The following ATF6 variants were observed in gnomAD, a reference collection of about 807,000 sequenced individuals.
ATF6 encodes activating transcription factor 6, also known as cyclic AMP-dependent transcription factor ATF-6 alpha.
ATF6 carries 53 observed loss-of-function variants against 83.6 expected under a neutral mutation model. The observed-to-expected ratio is 0.63, with a 90% CI of 0.51 to 0.80. The LOEUF (loss-of-function observed/expected upper bound fraction) is 0.80. Among genes scored for constraint, ATF6 ranks in the 30% least tolerant of loss-of-function variants. The pLI is 0.00. For synonymous variants in ATF6, 288 were observed against 285.8 expected (o/e 1.01, Z -0.08); for missense variants, 744 against 797.9 (o/e 0.93, Z 0.81).
intron 7 of ATF6, among the ~76,000 whole-genome samples, chr1:161,810,166 GA>G (rs1685420780): frequency 6.6e-6 from 1 of 152,124 alleles, no homozygotes; most frequent in Non-Finnish European, 1.5e-5. Flanking sequence ...CTTCTATAAA[GA>G]AATACCTGAA....
chr1:161,813,064 G>A (rs950415698), intron 7 of ATF6, among the ~76,000 whole-genome samples: 1 of 151,258 alleles, frequency 6.6e-6, no homozygotes, highest in African/African-American at 2.4e-5. Flanking sequence ...AATTACCCAC[G>A]TCCTTTGCTT....
rs112811497 is a variant in ATF6 at position 161,832,631 on chromosome 1, C to T, written c.1187+11470C>T. ...ATATCCAGCACCTGACTTGGAGGGT[C>T]CTACACCCACAGAGCCTCGCTCATT... On this transcript the variant is annotated intron_variant, in intron 9 of 15. Coordinates refer to ENST00000367942, the MANE Select transcript of ATF6 (RefSeq NM_007348.4). 9.8e-3 allele frequency among the ~76,000 whole-genome samples: 1,497 copies of T among 152,370 alleles called. 8 individuals carry two copies. The highest frequency in any genetic ancestry group is 0.017 in the South Asian group (83 of 4,828).
Position 161,853,701 on chromosome 1 carries a change from C to G in ATF6, c.1533+378C>G, listed in dbSNP as rs1686695594. Among the ~76,000 whole-genome samples the G allele has an allele frequency of 2.0e-5, 3 of 152,100 alleles. No homozygotes were observed. The South Asian group carries it at 6.2e-4, about 32-fold the overall frequency. On this transcript the variant is annotated intron_variant, in intron 12 of 15. Transcript: ENST00000367942. ...GCTTTTCAAAAAGAGAATGTTAAGA[C>G]CTGGGGCAGTTTGGAAATGAAGACA...
At chr1:161,867,117 A>AC (rs1261142406) in intron 14 of ATF6, among the ~76,000 whole-genome samples, 1 of 152,016 alleles carries the variant, frequency 6.6e-6, no homozygotes, top group Non-Finnish European at 1.5e-5. Context: ...ACACGGTGAA[A>AC]CCCCGTCTCT....
chr1:161,819,404 A>G (rs1467736145), intron 7 of ATF6, among the ~76,000 whole-genome samples: 1 of 152,212 alleles, frequency 6.6e-6, no homozygotes, highest in Non-Finnish European at 1.5e-5. Flanking sequence ...AGCCTTAGAA[A>G]ACATAAGAAG....
At chr1:161,828,139 C>G (rs1253806859) in intron 9 of ATF6, among the ~76,000 whole-genome samples, 1 of 151,780 alleles carries the variant, frequency 6.6e-6, no homozygotes, top group Admixed American at 6.6e-5. Context: ...TAAATTATCA[C>G]TACAGACTCT....
rs895284713 is a variant in ATF6, at chr1:161,784,062, C to T, written c.320C>T (p.Ser107Leu). Residue 107 changes from serine (S) to leucine (L), a missense_variant, in exon 4 of 16, where the codon TCA (serine) becomes TTA (leucine). By Grantham distance (145) the Ser-to-Leu change is moderately radical (BLOSUM62 -2). Coordinates refer to ENST00000367942, the MANE Select transcript of ATF6 (RefSeq NM_007348.4). ...SSSYSVSSPR[S>L]VDSYSSTQHV... ...AGTTATTCAGTCTCGTCTCCTCGGT[C>T]AGTGGACTCTTATTCTTCAACTCAG... The T allele has an allele frequency of 3.7e-6, 6 of 1,613,542 alleles. No individual in the cohort carries two copies. In the African/African-American group the frequency reaches 8.0e-5, roughly 22 times the overall value.
intron 15 of ATF6, among the ~76,000 whole-genome samples, chr1:161,926,723 A>G (rs1688319437): frequency 2.0e-5 from 3 of 152,144 alleles, no homozygotes; most frequent in South Asian, 2.1e-4. Flanking sequence ...GCTGCCTTCC[A>G]TGCTGCTTGT....
rs377411522 is a variant in ATF6, at chr1:161,866,846, C to T, written c.1719+3534C>T. On this transcript the variant is annotated intron_variant, in intron 14 of 15. Coordinates refer to ENST00000367942, the MANE Select transcript of ATF6 (RefSeq NM_007348.4). Reference sequence around the variant, plus strand: ...CACTTCAGCCTCCAACTCCTGAGCTCAAACAGTTCTCCTGTGTCAGTCTCC... The same window carrying T: ...CACTTCAGCCTCCAACTCCTGAGCTTAAACAGTTCTCCTGTGTCAGTCTCC... 2.3e-4 allele frequency among the ~76,000 whole-genome samples: 35 copies of T among 152,284 alleles called. 1 individual carries two copies. The East Asian group carries it at 3.7e-3, about 16-fold the overall frequency.
intron 14 of ATF6, among the ~76,000 whole-genome samples, chr1:161,880,446 T>G (rs1687298248): frequency 2.0e-5 from 3 of 150,534 alleles, no homozygotes; most frequent in Admixed American, 1.3e-4. Flanking sequence ...CATGCCCCTT[T>G]GTAATTTTTC....
chr1:161,852,266 A>G (rs902305006), intron 11 of ATF6, among the ~76,000 whole-genome samples: 34 of 152,146 alleles, frequency 2.2e-4, no homozygotes, highest in African/African-American at 7.0e-4. Flanking sequence ...CCTTACCCTT[A>G]AAACCTCAAA....
At chr1:161,882,442 A>G (rs1055634028) in intron 14 of ATF6, among the ~76,000 whole-genome samples, 4 of 152,012 alleles carry the variant, frequency 2.6e-5, no homozygotes, top group African/African-American at 4.8e-5. Flanking sequence ...GGGCTAATCT[A>G]TTAGTAGTTT....
At chr1:161,805,694 A>C (rs1300776711) in intron 7 of ATF6, among the ~76,000 whole-genome samples, 1 of 152,156 alleles carries the variant, frequency 6.6e-6, no homozygotes, top group African/African-American at 2.4e-5. Flanking sequence ...CACAAGTCCT[A>C]TTAAATTAGG....
chr1:161,773,618 G>C (rs1684448790), intron 1 of ATF6, among the ~76,000 whole-genome samples: 1 of 152,136 alleles, frequency 6.6e-6, no homozygotes, highest in Admixed American at 6.5e-5. Context: ...TAAACCCAGT[G>C]ACTGTGTCTG....
chr1:161,949,668 A>G (rs1375133842), intron 15 of ATF6, among the ~76,000 whole-genome samples: 1 of 152,208 alleles, frequency 6.6e-6, no homozygotes, highest in Non-Finnish European at 1.5e-5. Flanking sequence ...GTGTGCAGAA[A>G]TCACATGATG....
intron 7 of ATF6, among the ~76,000 whole-genome samples, chr1:161,808,932 T>G (rs1571149402): frequency 6.6e-6 from 1 of 152,182 alleles, no homozygotes. Context: ...TTCATAGGGG[T>G]GCCATAATTA....
intron 6 of ATF6, among the ~76,000 whole-genome samples, chr1:161,797,033 G>GT (rs557772783): frequency 2.7e-4 from 41 of 151,610 alleles, no homozygotes; most frequent in Non-Finnish European, 5.3e-4. Context: ...TACTTTATGT[G>GT]TTTCTAATTT....
At chr1:161,948,401 C>T (rs1320832026) in intron 15 of ATF6, among the ~76,000 whole-genome samples, 3 of 151,906 alleles carry the variant, frequency 2.0e-5, no homozygotes, top group African/African-American at 7.3e-5. Context: ...TTGAAAATAC[C>T]AAAGTGAGCT....
At chr1:161,922,405 A>G (rs1688229667) in intron 15 of ATF6, among the ~76,000 whole-genome samples, 1 of 152,152 alleles carries the variant, frequency 6.6e-6, no homozygotes, top group Non-Finnish European at 1.5e-5. Flanking sequence ...TTTATGCCTA[A>G]TGCTGGAGAT....
Sources: allele counts gnomAD v4.1 joint callset (sites outside exome capture counted in the v4.1 genomes callset), GRCh38; gene constraint gnomAD v4.1.1; transcripts MANE v1.5; gene names NCBI Gene and HGNC (gene_info 2026-07-23, HGNC 2026-07-21).